Variants in CDKAL1 observed in about 807,000 individuals in gnomAD.
CDKAL1 encodes the protein CDKAL1 threonylcarbamoyladenosine tRNA methylthiotransferase, also known as threonylcarbamoyladenosine tRNA methylthiotransferase.
CDKAL1 carries 32 observed loss-of-function variants against 68.2 expected under a neutral mutation model. That is an observed-to-expected ratio of 0.47 (90% CI 0.35 to 0.63). CDKAL1 has a LOEUF of 0.63. CDKAL1 is among the 30% of genes least tolerant of loss of function. The pLI, the probability that CDKAL1 is intolerant of heterozygous loss-of-function variation, is 0.00. For synonymous variants in CDKAL1, 234 were observed against 244.3 expected, an observed-to-expected ratio of 0.96 and a Z score of 0.39; for missense variants, 606 against 696.7, an observed-to-expected ratio of 0.87 and a Z score of 1.47.
chr6:21,179,836 A>G lies in CDKAL1; in HGVS notation c.1300-18185A>G, dbSNP rs553017906. On this transcript the variant is annotated intron_variant, in intron 13 of 15. Transcript: ENST00000274695. ...GGAGTTCAGGACCAGCCTGGGCCATATGGCAAAATACTGTCTCTACAAAAC... is the reference window on the plus strand; with the variant it reads ...GGAGTTCAGGACCAGCCTGGGCCATGTGGCAAAATACTGTCTCTACAAAAC... Among the ~76,000 whole-genome samples the G allele has an allele frequency of 2.6e-5, 4 of 152,302 alleles. 1 individual carries two copies. The highest frequency in any genetic ancestry group is 1.3e-4 in the Admixed American group (2 of 15,296).
At chr6:20,631,606 C>CT (rs1327835079) in intron 4 of CDKAL1, among the ~76,000 whole-genome samples, 1 of 152,176 alleles carries the variant, frequency 6.6e-6, no homozygotes, top group Non-Finnish European at 1.5e-5. Flanking sequence ...AATCTAATCT[C>CT]TGAACTCTTA....
chr6:20,742,657 C>A (rs988984630), intron 6 of CDKAL1, among the ~76,000 whole-genome samples: 1 of 151,710 alleles, frequency 6.6e-6, no homozygotes, highest in Non-Finnish European at 1.5e-5. Flanking sequence ...ATGCATAATA[C>A]ATTAATGCTC....
chr6:21,212,736 A>G (rs1392990149), intron 15 of CDKAL1, among the ~76,000 whole-genome samples: 2 of 152,212 alleles, frequency 1.3e-5, no homozygotes. Flanking sequence ...TTTAGGGGGT[A>G]CAAGCGCAGA....
At chr6:21,151,446 T>G (rs917913151) in intron 13 of CDKAL1, among the ~76,000 whole-genome samples, 2 of 152,240 alleles carry the variant, frequency 1.3e-5, no homozygotes, top group African/African-American at 4.8e-5. Flanking sequence ...AATGACTCTG[T>G]GTTCAGCCAA....
At chr6:21,205,470 C>CTTTTGTTTTGTTTTGTTTTGTTTTG (rs113246770) in intron 15 of CDKAL1, among the ~76,000 whole-genome samples, 65 of 151,946 alleles carry the variant, frequency 4.3e-4, no homozygotes, top group African/African-American at 1.4e-3. Flanking sequence ...CTTATTTTCT[C>CTTTTGTTTTGTTTTGTTTTGTTTTG]TTTTGTTTTG....
chr6:20,869,939 CATT>C (rs1760117803), intron 9 of CDKAL1, among the ~76,000 whole-genome samples: 1 of 152,166 alleles, frequency 6.6e-6, no homozygotes, highest in East Asian at 1.9e-4. Context: ...AGGTAACTGA[CATT>C]AGTGATTTCA....
At chr6:20,744,987 G>A (rs1773603440) in intron 6 of CDKAL1, among the ~76,000 whole-genome samples, 2 of 152,128 alleles carry the variant, frequency 1.3e-5, no homozygotes, top group Admixed American at 6.5e-5. Context: ...AATTCACAAC[G>A]GAATATACAA....
At chr6:20,644,878 T>G (rs983709900) in intron 4 of CDKAL1, among the ~76,000 whole-genome samples, 6 of 152,204 alleles carry the variant, frequency 3.9e-5, no homozygotes, top group African/African-American at 1.4e-4. Flanking sequence ...CTGAGAAATG[T>G]GTCAGGCTAT....
intron 5 of CDKAL1, among the ~76,000 whole-genome samples, chr6:20,656,569 C>G (rs4712522): frequency 0.4 from 60,206 of 151,824 alleles, 13,058 homozygotes; most frequent in African/African-American, 0.58. Flanking sequence ...AGATACTTTA[C>G]TGCTACTGAT....
intron 12 of CDKAL1, among the ~76,000 whole-genome samples, chr6:21,078,676 C>G (rs1772209623): frequency 6.6e-6 from 1 of 152,168 alleles, no homozygotes; most frequent in Non-Finnish European, 1.5e-5. Context: ...TTCATCTCCC[C>G]TGCCTCAGAT....
At chr6:20,774,380 G>A (rs902399306) in intron 7 of CDKAL1, among the ~76,000 whole-genome samples, 2 of 152,136 alleles carry the variant, frequency 1.3e-5, no homozygotes, top group East Asian at 1.9e-4. Context: ...ATATTTTGTA[G>A]CTAGTTATGT....
At chr6:20,663,369 A>G (rs1239577273) in intron 5 of CDKAL1, among the ~76,000 whole-genome samples, 1 of 152,106 alleles carries the variant, frequency 6.6e-6, no homozygotes, top group African/African-American at 2.4e-5. Context: ...GACAAGATAC[A>G]CATTTTATTT....
intron 11 of CDKAL1, among the ~76,000 whole-genome samples, chr6:21,015,007 C>T (rs182088222): frequency 2.1e-4 from 32 of 152,214 alleles, no homozygotes; most frequent in African/African-American, 7.7e-4. Context: ...GCAGCAATTG[C>T]CTCAGCCTCA....
intron 10 of CDKAL1, among the ~76,000 whole-genome samples, chr6:20,991,544 C>T (rs930303926): frequency 6.6e-6 from 1 of 151,756 alleles, no homozygotes. Context: ...CCCATCTCTA[C>T]TAAAATACAA....
intron 6 of CDKAL1, among the ~76,000 whole-genome samples, chr6:20,745,184 A>G (rs981340871): frequency 9.2e-5 from 14 of 152,210 alleles, no homozygotes; most frequent in African/African-American, 2.2e-4. Context: ...GGCTGCTCTA[A>G]TCTCGAAAAG....
chr6:21,183,041 AT>A (rs1390214691), intron 13 of CDKAL1, among the ~76,000 whole-genome samples: 2 of 152,046 alleles, frequency 1.3e-5, no homozygotes, highest in African/African-American at 4.8e-5. Flanking sequence ...AATTTTTCTT[AT>A]CCTTTTGAAA....
chr6:20,884,179 A>G (rs1372188031), intron 9 of CDKAL1, among the ~76,000 whole-genome samples: 1 of 152,232 alleles, frequency 6.6e-6, no homozygotes, highest in African/African-American at 2.4e-5. Flanking sequence ...ATCAATCAAT[A>G]TAATATAGCA....
At chr6:20,669,635 A>G (rs2127779142) in intron 5 of CDKAL1, among the ~76,000 whole-genome samples, 1 of 152,336 alleles carries the variant, frequency 6.6e-6, no homozygotes, top group East Asian at 1.9e-4. Flanking sequence ...AGAGTTCAGC[A>G]GTATTAACTC....
At chr6:20,965,925 AG>A (rs1207655840) in intron 10 of CDKAL1, among the ~76,000 whole-genome samples, 5 of 152,214 alleles carry the variant, frequency 3.3e-5, no homozygotes, top group African/African-American at 1.2e-4. Flanking sequence ...CAATCCACGT[AG>A]TTTCCTTTAC....
Sources: allele counts gnomAD v4.1 joint callset (sites outside exome capture counted in the v4.1 genomes callset), GRCh38; gene constraint gnomAD v4.1.1; transcripts MANE v1.5; gene names NCBI Gene and HGNC (gene_info 2026-07-23, HGNC 2026-07-21).